The following MAGI1 variants were observed in gnomAD, a reference collection of about 807,000 sequenced individuals.
MAGI1 encodes membrane-associated guanylate kinase, WW and PDZ domain-containing protein 1.
A neutral mutation model predicts 139.9 loss-of-function variants in MAGI1; 58 were observed. That is an observed-to-expected ratio of 0.41 (90% confidence interval 0.34 to 0.52). The LOEUF is 0.52. Ranked by LOEUF, MAGI1 falls within the 20% of genes least tolerant of loss-of-function variation. The pLI is 0.12. For synonymous variants in MAGI1, 812 were observed against 737.9 expected (o/e 1.10, Z -1.63); for missense variants, 1,874 against 1,901.6 (o/e 0.99, Z 0.27).
At chr3:65,462,020 AG>A (rs1239493352) in intron 5 of MAGI1, among the ~76,000 whole-genome samples, 1 of 152,112 alleles carries the variant, frequency 6.6e-6, no homozygotes, top group African/African-American at 2.4e-5. Flanking sequence ...GCTGGATGTT[AG>A]CCCTTTGAAT....
intron 2 of MAGI1, among the ~76,000 whole-genome samples, chr3:65,606,468 G>A (rs915591272): frequency 1.1e-4 from 17 of 151,888 alleles, no homozygotes; most frequent in African/African-American, 4.1e-4. Context: ...AGCCCCCAGA[G>A]TAGCTGCGAT....
chr3:65,842,885 T>C (rs762971461), intron 1 of MAGI1, among the ~76,000 whole-genome samples: 1 of 152,172 alleles, frequency 6.6e-6, no homozygotes, highest in Non-Finnish European at 1.5e-5. Flanking sequence ...TGGAATATGA[T>C]CCTTCCAATG....
In MAGI1 at chr3:65,472,756, C is replaced by T. The variant is rs1050743158; in HGVS notation, c.758-2272G>A. 7.2e-5 allele frequency among the ~76,000 whole-genome samples: 11 copies of T among 152,190 alleles called. No individual in the cohort carries two copies. In the South Asian group the frequency reaches 1.9e-3, roughly 26 times the overall value. ...GCTGAAGGGAGCTGGGCACTCAGTG[C>T]CAGACAGTTTGTGCCCTGGAGGAGA... On this transcript the variant is annotated intron_variant, in intron 4 of 22. Transcript: ENST00000402939.
In MAGI1 at chr3:65,481,095, A is replaced by G. The variant is rs976171558; in HGVS notation, c.551-2297T>C. On this transcript the variant is annotated intron_variant, in intron 3 of 22. Transcript: ENST00000402939. ...TTGAAGGGTGCCAGGTAGAAACCTG[A>G]TACGCACATTCTGGTGGCTTATACT... is the stretch of plus-strand genomic sequence containing the variant. 2.0e-5 allele frequency among the ~76,000 whole-genome samples: 3 copies of G among 152,320 alleles called. 1 individual carries two copies. In the South Asian group the frequency reaches 6.2e-4, roughly 32 times the overall value.
At chr3:66,011,776 T>C (rs907733954) in intron 1 of MAGI1, among the ~76,000 whole-genome samples, 1 of 150,156 alleles carries the variant, frequency 6.7e-6, no homozygotes, top group African/African-American at 2.5e-5. Context: ...CCCTAACCAA[T>C]GTCCTATATG....
chr3:65,789,276 T>C (rs1450327844), intron 1 of MAGI1, among the ~76,000 whole-genome samples: 1 of 152,158 alleles, frequency 6.6e-6, no homozygotes, highest in Admixed American at 6.6e-5. Flanking sequence ...AGTAAGATAG[T>C]GCCACCAGTC....
intron 2 of MAGI1, among the ~76,000 whole-genome samples, chr3:65,524,903 C>T (rs1220959302): frequency 6.6e-6 from 1 of 152,102 alleles, no homozygotes; most frequent in Admixed American, 6.6e-5. Context: ...CCAACCCAGC[C>T]CATTAATGAT....
intron 1 of MAGI1, among the ~76,000 whole-genome samples, chr3:65,856,348 C>G (rs1206767489): frequency 1.3e-5 from 2 of 152,112 alleles, no homozygotes; most frequent in East Asian, 3.9e-4. Flanking sequence ...CACAGCTTAT[C>G]CATTCCTGCC....
intron 1 of MAGI1, among the ~76,000 whole-genome samples, chr3:65,773,086 G>T (rs925843421): frequency 1.3e-5 from 2 of 152,144 alleles, no homozygotes; most frequent in East Asian, 1.9e-4. Flanking sequence ...CAGGACTGTT[G>T]TAAGAAATAA....
chr3:65,598,558 T>A (rs1370135125), intron 2 of MAGI1, among the ~76,000 whole-genome samples: 1 of 152,214 alleles, frequency 6.6e-6, no homozygotes, highest in Non-Finnish European at 1.5e-5. Context: ...TGTCTTCCTT[T>A]GGAGTTAAAA....
intron 12 of MAGI1, among the ~76,000 whole-genome samples, chr3:65,405,236 A>T (rs1439836932): frequency 5.3e-5 from 8 of 152,196 alleles, no homozygotes; most frequent in Non-Finnish European, 1.2e-4. Context: ...GAAAAAACGA[A>T]TGGCAAATTC....
At chr3:65,726,906 G>C (rs2033676812) in intron 1 of MAGI1, among the ~76,000 whole-genome samples, 1 of 150,914 alleles carries the variant, frequency 6.6e-6, no homozygotes, top group East Asian at 2.0e-4. Context: ...TGGATAAACA[G>C]GTTGAGTATC....
At chr3:65,537,147 T>A (rs768025236) in intron 2 of MAGI1, among the ~76,000 whole-genome samples, 28 of 152,280 alleles carry the variant, frequency 1.8e-4, no homozygotes, top group Middle Eastern at 6.8e-3. Context: ...CCCTCATCCA[T>A]TCTGTGAATT....
At chr3:65,358,704 G>A (rs1028099616) in intron 22 of MAGI1, among the ~76,000 whole-genome samples, 5 of 152,146 alleles carry the variant, frequency 3.3e-5, no homozygotes, top group African/African-American at 1.2e-4. Flanking sequence ...AGAGATACCT[G>A]ACCAAGCAGG....
At chr3:65,375,721 A>G (rs1006523478) in intron 18 of MAGI1, 24 bp downstream of exon 18, 4 of 1,545,990 alleles carry the variant, frequency 2.6e-6, no homozygotes, top group East Asian at 2.2e-5. Context: ...AGAGAGAGAG[A>G]GAGAGATAAT....
intron 10 of MAGI1, among the ~76,000 whole-genome samples, chr3:65,433,892 C>T (rs1160648441): frequency 6.6e-6 from 1 of 152,130 alleles, no homozygotes; most frequent in Non-Finnish European, 1.5e-5. Flanking sequence ...ATGCTCTGCA[C>T]CTGCACTGTT....
chr3:65,807,638 G>A (rs190762012), intron 1 of MAGI1, among the ~76,000 whole-genome samples: 174 of 152,224 alleles, frequency 1.1e-3, no homozygotes, highest in African/African-American at 3.9e-3. Flanking sequence ...AGTGCTCTGG[G>A]AACCCAGCAA....
chr3:65,732,985 G>A (rs926753577), intron 1 of MAGI1, among the ~76,000 whole-genome samples: 1 of 152,154 alleles, frequency 6.6e-6, no homozygotes, highest in Non-Finnish European at 1.5e-5. Flanking sequence ...AATCTATTAA[G>A]TTCTTGCTGA....
At chr3:65,633,500 A>C (rs2084428275) in intron 1 of MAGI1, among the ~76,000 whole-genome samples, 1 of 152,204 alleles carries the variant, frequency 6.6e-6, no homozygotes, top group Admixed American at 6.5e-5. Flanking sequence ...ACATTTTGCT[A>C]GCACTTCAGG....
Sources: allele counts gnomAD v4.1 joint callset (sites outside exome capture counted in the v4.1 genomes callset), GRCh38; gene constraint gnomAD v4.1.1; transcripts MANE v1.5; gene names NCBI Gene and HGNC (gene_info 2026-07-23, HGNC 2026-07-21).